Variants in GRID1 observed in about 807,000 individuals in gnomAD.
The protein encoded by GRID1 is glutamate receptor ionotropic, delta-1.
In GRID1, 28 loss-of-function variants were observed where a neutral mutation model predicts 98.0. That is an observed-to-expected ratio of 0.29 (90% CI 0.21 to 0.39). The LOEUF is 0.39. GRID1 is among the 10% of genes least tolerant of loss of function. GRID1 has a pLI of 1.00. For synonymous variants in GRID1, 553 were observed against 538.5 expected (o/e 1.03, Z -0.37); for missense variants, 1,111 against 1,340.5 (o/e 0.83, Z 2.67).
At chr10:85,832,170 T>A (rs1842872787) in intron 8 of GRID1, among the ~76,000 whole-genome samples, 2 of 152,170 alleles carry the variant, frequency 1.3e-5, no homozygotes, top group Non-Finnish European at 2.9e-5. Context: ...TATACTAGCA[T>A]GTGTGTGTAA....
chr10:85,890,561 G>A (rs1454309552), intron 5 of GRID1, among the ~76,000 whole-genome samples: 1 of 152,162 alleles, frequency 6.6e-6, no homozygotes, highest in Non-Finnish European at 1.5e-5. Context: ...CAGGACTACT[G>A]TAAATTCTCA....
intron 4 of GRID1, among the ~76,000 whole-genome samples, chr10:86,078,921 C>T (rs1325629018): frequency 6.6e-6 from 1 of 152,246 alleles, no homozygotes; most frequent in Non-Finnish European, 1.5e-5. Context: ...CTGGACCCAG[C>T]TCTATGTCAG....
chr10:85,873,800 T>G (rs1843302006), intron 5 of GRID1, among the ~76,000 whole-genome samples: 1 of 152,208 alleles, frequency 6.6e-6, no homozygotes, highest in Admixed American at 6.5e-5. Flanking sequence ...GGGAACTTAA[T>G]AAAATTACAA....
intron 4 of GRID1, among the ~76,000 whole-genome samples, chr10:85,961,802 C>T (rs1842271132): frequency 6.6e-6 from 1 of 151,816 alleles, no homozygotes; most frequent in Non-Finnish European, 1.5e-5. Context: ...TTTTTCCCTT[C>T]CTTCAGGCTT....
At chr10:85,669,833 T>C (rs990931011) in intron 12 of GRID1, among the ~76,000 whole-genome samples, 3 of 152,212 alleles carry the variant, frequency 2.0e-5, no homozygotes, top group Non-Finnish European at 4.4e-5. Flanking sequence ...GTTTACTGTT[T>C]AACATCTGAG....
intron 2 of GRID1, among the ~76,000 whole-genome samples, chr10:86,221,365 C>A (rs1378617758): frequency 6.6e-6 from 1 of 152,236 alleles, no homozygotes; most frequent in Non-Finnish European, 1.5e-5. Context: ...CACGTTCTCC[C>A]AGCAGGTTAT....
intron 8 of GRID1, among the ~76,000 whole-genome samples, chr10:85,819,492 C>T (rs574004955): frequency 3.2e-4 from 48 of 152,296 alleles, no homozygotes; most frequent in African/African-American, 1.0e-3. Flanking sequence ...ACCTCACAGA[C>T]ACCACCTTAA....
chr10:85,644,294 T>G (rs1485234893), intron 13 of GRID1: 1 of 152,252 alleles, frequency 6.6e-6, no homozygotes, highest in Non-Finnish European at 1.5e-5. Flanking sequence ...TTCTAAAATC[T>G]CCTGCTAATC....
intron 8 of GRID1, among the ~76,000 whole-genome samples, chr10:85,801,467 TAA>T (rs1456340515): frequency 6.6e-6 from 1 of 151,840 alleles, no homozygotes; most frequent in Non-Finnish European, 1.5e-5. Context: ...AATGTCTAAA[TAA>T]AAGTGTTAAA....
Position 85,854,646 on chromosome 10 carries a change from A to T in GRID1, c.1114-31T>A, listed in dbSNP as rs375697575. 8 of 1,613,486 alleles carry T rather than the reference A, an allele frequency of 5.0e-6. No individual in the cohort carries two copies. The African/African-American group carries it at 9.3e-5, about 19-fold the overall frequency. On this transcript the variant is annotated intron_variant, in intron 7 of 15. Coordinates refer to ENST00000327946, the MANE Select transcript of GRID1 (RefSeq NM_017551.3). ...GAAGAGGAGAAAAACCCATTGGAAA[A>T]TCTGGTTAAGGTAGAGGATGGAGTC...
chr10:86,062,089 G>C lies in GRID1; in HGVS notation c.726+76730C>G, dbSNP rs148020433. 3.6e-3 allele frequency among the ~76,000 whole-genome samples: 542 copies of C among 152,250 alleles called. 2 individuals carry two copies. The highest frequency in any genetic ancestry group is 5.7e-3 in the Non-Finnish European group (391 of 68,032). ...AGCCCACCATCTGTTCTGTGCTTTCGCTTCTCCAACTGTGCAATGGGGATA... is the reference window on the plus strand; with the variant it reads ...AGCCCACCATCTGTTCTGTGCTTTCCCTTCTCCAACTGTGCAATGGGGATA... On this transcript the variant is annotated intron_variant, in intron 4 of 15. Coordinates refer to ENST00000327946, the MANE Select transcript of GRID1 (RefSeq NM_017551.3).
intron 4 of GRID1, among the ~76,000 whole-genome samples, chr10:86,024,908 C>T (rs2131889219): frequency 6.6e-6 from 1 of 152,196 alleles, no homozygotes. Context: ...AAGATGAGGC[C>T]AGTCATCCTA....
chr10:85,994,359 T>C (rs748001182), intron 4 of GRID1, among the ~76,000 whole-genome samples: 39 of 152,288 alleles, frequency 2.6e-4, no homozygotes, highest in Admixed American at 1.7e-3. Flanking sequence ...AGGACAAAGC[T>C]CACCTGGCAT....
At chr10:85,811,553 T>C (rs1842670922) in intron 8 of GRID1, among the ~76,000 whole-genome samples, 1 of 152,042 alleles carries the variant, frequency 6.6e-6, no homozygotes, top group Non-Finnish European at 1.5e-5. Flanking sequence ...AAAAACTTAA[T>C]GAATGGAATA....
chr10:85,668,498 T>A (rs1333132062), intron 12 of GRID1, among the ~76,000 whole-genome samples: 1 of 152,212 alleles, frequency 6.6e-6, no homozygotes, highest in Non-Finnish European at 1.5e-5. Flanking sequence ...GAGATGTTCT[T>A]TAGACGCTAC....
chr10:86,050,962 C>A (rs1843494039), intron 4 of GRID1, among the ~76,000 whole-genome samples: 1 of 149,700 alleles, frequency 6.7e-6, no homozygotes, highest in Non-Finnish European at 1.5e-5. Flanking sequence ...TTAAAATATA[C>A]ATATTATTGG....
intron 4 of GRID1, among the ~76,000 whole-genome samples, chr10:86,138,371 T>A (rs1218302165): frequency 6.6e-6 from 1 of 152,174 alleles, no homozygotes; most frequent in Non-Finnish European, 1.5e-5. Context: ...ACATCTAATG[T>A]ATCCTTCAAC....
At chr10:85,978,778 G>A (rs1340740735) in intron 4 of GRID1, among the ~76,000 whole-genome samples, 1 of 152,186 alleles carries the variant, frequency 6.6e-6, no homozygotes, top group African/African-American at 2.4e-5. Context: ...TGCTGATGAA[G>A]TCCAGACTCA....
intron 2 of GRID1, among the ~76,000 whole-genome samples, chr10:86,362,600 T>C (rs1260213300): frequency 1.3e-5 from 2 of 152,122 alleles, no homozygotes; most frequent in Admixed American, 6.5e-5. Context: ...TCCCCAGAAG[T>C]AGTCCCCGGT....
Sources: gnomAD v4.1 joint callset for allele counts (sites outside exome capture counted in the v4.1 genomes callset) on GRCh38, gnomAD v4.1.1 for gene constraint, MANE v1.5 for transcripts, NCBI Gene and HGNC (gene_info 2026-07-23, HGNC 2026-07-21) for gene names.